SLA: variants seen among roughly 807,000 people sequenced by gnomAD.
The protein encoded by SLA is Src like adaptor.
In SLA, 16 loss-of-function variants were observed where a neutral mutation model predicts 30.3. That is an observed-to-expected ratio of 0.53 (90% CI 0.36 to 0.80). SLA has a LOEUF of 0.80. Ranked by LOEUF, SLA falls within the 30% of genes least tolerant of loss-of-function variation. The probability of loss-of-function intolerance (pLI) is 0.01; values close to 1 mark genes in which losing one functional copy is unlikely to be tolerated. For missense variants in SLA, 310 were observed against 345.2 expected (o/e 0.90, Z 0.81); for synonymous variants, 143 against 137.8 (o/e 1.04, Z -0.26).
chr8:133,042,487 CT>C lies in SLA; in HGVS notation c.485-2358del, dbSNP rs374689902. 8.2e-3 allele frequency among the ~76,000 whole-genome samples: 1,219 copies of C among 148,478 alleles called. 9 individuals carry two copies. The highest frequency in any genetic ancestry group is 0.028 in the African/African-American group (1,128 of 40,640). On this transcript the variant is annotated intron_variant, in intron 7 of 8. Transcript: ENST00000338087. Reference sequence around the variant, plus strand: ...TAGGTGCCACATTTTTCACATGCATCTTTTTTTTTTAACTGGACTAGTGGCA... The same window carrying C: ...TAGGTGCCACATTTTTCACATGCATCTTTTTTTTTAACTGGACTAGTGGCA...
At chr8:133,046,212 A>G (rs1020145654) in intron 6 of SLA, among the ~76,000 whole-genome samples, 1 of 152,218 alleles carries the variant, frequency 6.6e-6, no homozygotes, top group African/African-American at 2.4e-5. Context: ...CAGAGGAGAA[A>G]GGGAGCTGAT....
At chr8:133,091,606 A>C (rs972591334) in intron 1 of SLA, among the ~76,000 whole-genome samples, 1 of 151,530 alleles carries the variant, frequency 6.6e-6, no homozygotes, top group African/African-American at 2.4e-5. Flanking sequence ...GTGTGAGTCT[A>C]TCTGTAGGTG....
chr8:133,097,224 C>A (rs991456154), intron 1 of SLA, among the ~76,000 whole-genome samples: 1 of 152,214 alleles, frequency 6.6e-6, no homozygotes, highest in African/African-American at 2.4e-5. Flanking sequence ...ATGAAAGCAA[C>A]CAAACAGGAT....
intron 3 of SLA, among the ~76,000 whole-genome samples, chr8:133,052,074 C>T (rs1840505692): frequency 6.6e-6 from 1 of 152,188 alleles, no homozygotes; most frequent in East Asian, 1.9e-4. Context: ...AGTACTCAGG[C>T]ATGTGGGCTT....
At chr8:133,072,106 A>G (rs1436080712) in intron 2 of SLA, among the ~76,000 whole-genome samples, 3 of 152,070 alleles carry the variant, frequency 2.0e-5, no homozygotes, top group African/African-American at 7.2e-5. Context: ...AAGTCTCCCA[A>G]CTTCACTCAC....
chr8:133,068,123 A>C (rs749873748), intron 2 of SLA, among the ~76,000 whole-genome samples: 1 of 152,178 alleles, frequency 6.6e-6, no homozygotes, highest in Non-Finnish European at 1.5e-5. Context: ...TAGCAACTCA[A>C]CACTCTCACA....
intron 2 of SLA, among the ~76,000 whole-genome samples, chr8:133,072,680 T>C (rs1844245107): frequency 6.6e-6 from 1 of 152,252 alleles, no homozygotes; most frequent in Admixed American, 6.5e-5. Context: ...TTAGGTGCAC[T>C]AGAATGAATA....
intron 3 of SLA, among the ~76,000 whole-genome samples, chr8:133,056,282 T>G (rs1431359654): frequency 6.6e-6 from 1 of 152,222 alleles, no homozygotes; most frequent in East Asian, 1.9e-4. Context: ...AAAAGTTGAA[T>G]GATCAAGTTC....
intron 1 of SLA, among the ~76,000 whole-genome samples, chr8:133,090,806 G>A (rs190351595): frequency 6.6e-6 from 1 of 152,224 alleles, no homozygotes; most frequent in East Asian, 1.9e-4. Context: ...GGCAGAGCTG[G>A]AATTAAAACC....
At chr8:133,061,809 G>T (rs1842407041) in intron 2 of SLA, among the ~76,000 whole-genome samples, 1 of 152,158 alleles carries the variant, frequency 6.6e-6, no homozygotes, top group South Asian at 2.1e-4. Context: ...GTTCTGGAAA[G>T]AAGTACACTC....
chr8:133,047,164 CT>C (rs1341750714), intron 6 of SLA: 5 of 152,200 alleles, frequency 3.3e-5, no homozygotes, highest in Non-Finnish European at 7.3e-5. Context: ...AAAATTGGAA[CT>C]TGGGACCCTT....
At chr8:133,053,110 T>C (rs1457210210) in intron 3 of SLA, among the ~76,000 whole-genome samples, 1 of 152,186 alleles carries the variant, frequency 6.6e-6, no homozygotes, top group Non-Finnish European at 1.5e-5. Flanking sequence ...GAACACACCC[T>C]GCTCTTCCCT....
At chr8:133,102,451 C>G (rs934344994) in intron 1 of SLA, 102 bp downstream of exon 1, 2 of 1,033,368 alleles carry the variant, frequency 1.9e-6, no homozygotes, top group Non-Finnish European at 2.9e-6. Flanking sequence ...AGGGTGGGTA[C>G]AGGATCCATC....
chr8:133,091,628 CTATG>C (rs1368970376), intron 1 of SLA, among the ~76,000 whole-genome samples: 2 of 151,606 alleles, frequency 1.3e-5, no homozygotes, highest in South Asian at 2.1e-4. Context: ...CTGGGTGTGT[CTATG>C]TGTGTGTATC....
At chr8:133,102,463 A>G in intron 1 of SLA, 90 bp downstream of exon 1, 2 of 1,153,404 alleles carry the variant, frequency 1.7e-6, no homozygotes, top group Non-Finnish European at 2.5e-6. Context: ...GGATCCATCA[A>G]GTCCCTCTGA....
intron 2 of SLA, chr8:133,060,478 T>C (rs752267631): frequency 6.2e-6 from 6 of 973,334 alleles, no homozygotes; most frequent in Non-Finnish European, 8.8e-6. Flanking sequence ...TTGCTGAGGA[T>C]GGTAAGCAGC....
intron 1 of SLA, chr8:133,089,959 C>A (rs1253537387): frequency 1.3e-5 from 2 of 152,150 alleles, no homozygotes. Context: ...CCTGAATTCC[C>A]AAAGTGCAAG....
chr8:133,063,457 TCTC>T (rs1842665181), intron 2 of SLA: 1 of 152,030 alleles, frequency 6.6e-6, no homozygotes, highest in African/African-American at 2.4e-5. Context: ...CTATCATTCT[TCTC>T]AAGCATTTGC....
chr8:133,095,676 A>G (rs1293072652), intron 1 of SLA, among the ~76,000 whole-genome samples: 1 of 152,200 alleles, frequency 6.6e-6, no homozygotes, highest in East Asian at 1.9e-4. Context: ...ATAGCATGCA[A>G]AGTTCTTGCT....
Sources: gnomAD v4.1 joint callset for allele counts (sites outside exome capture counted in the v4.1 genomes callset) on GRCh38, gnomAD v4.1.1 for gene constraint, MANE v1.5 for transcripts, NCBI Gene and HGNC (gene_info 2026-07-23, HGNC 2026-07-21) for gene names.